Variants in TRIM6 observed in about 807,000 individuals in gnomAD.
TRIM6 encodes the protein tripartite motif-containing protein 6.
TRIM6 carries 43 observed loss-of-function variants against 51.2 expected under a neutral mutation model. That is an observed-to-expected ratio of 0.84 (90% CI 0.66 to 1.08). TRIM6 has a LOEUF of 1.08. TRIM6 is among the 50% of genes least tolerant of loss of function. The pLI is 0.00. For missense variants in TRIM6, 669 were observed against 619.0 expected (o/e 1.08, Z -0.86); for synonymous variants, 215 against 232.4 (o/e 0.93, Z 0.68).
At chr11:5,602,256 C>T (rs1467333313) in intron 1 of TRIM6, among the ~76,000 whole-genome samples, 11 of 150,022 alleles carry the variant, frequency 7.3e-5, no homozygotes, top group South Asian at 2.1e-4. Context: ...CTGGCTAACA[C>T]AGTGAAACCT....
At chr11:5,596,133 G>C (rs1847431968), upstream of TRIM6, 1 of 152,072 alleles carries the variant, frequency 6.6e-6, no homozygotes, top group Non-Finnish European at 1.5e-5. Flanking sequence ...CTGGGTGGAG[G>C]ACGCGGCTGC....
In TRIM6 at chr11:5,599,434, C is replaced by T. The variant is rs1036522172; in HGVS notation, c.17+2520C>T. Among the ~76,000 whole-genome samples, 3 of 136,078 alleles carry T rather than the reference C, an allele frequency of 2.2e-5. No individual in the cohort carries two copies. In the Admixed American group the frequency reaches 2.4e-4, roughly 11 times the overall value. 89.3% of individuals were successfully genotyped at this position (136,078 alleles called of 152,430 possible). On this transcript the variant is annotated intron_variant, in intron 1 of 7. Transcript: ENST00000380097. ...ATTTATTTATTTTGAGACGGAGTCT[C>T]GCTCTGTCGCCCAGGCTGGAGTGCA... is the stretch of plus-strand genomic sequence containing the variant.
intron 4 of TRIM6, among the ~76,000 whole-genome samples, chr11:5,606,014 T>C (rs993445771): frequency 1.3e-5 from 2 of 152,162 alleles, no homozygotes; most frequent in Admixed American, 1.3e-4. Context: ...CTTCAGACAT[T>C]GCCACGATAG....
intron 4 of TRIM6, among the ~76,000 whole-genome samples, chr11:5,605,918 G>A (rs1213068769): frequency 6.6e-6 from 1 of 152,158 alleles, no homozygotes; most frequent in African/African-American, 2.4e-5. Flanking sequence ...GGGTTCTCCT[G>A]TACATTGTAG....
intron 1 of TRIM6, among the ~76,000 whole-genome samples, chr11:5,599,383 A>ATATG (rs1554909282): frequency 6.8e-6 from 1 of 146,866 alleles, no homozygotes; most frequent in Non-Finnish European, 1.5e-5. Context: ...TACAATTATT[A>ATATG]TATTTATTTA....
rs1444211544 is a variant in TRIM6, at chr11:5,612,073, TACC to T, written c.*734_*736del. ...AGTACATTGATTTACTTCAATTTGT[TACC>T]ACAACTTGCTGAAATACACCATTAT... On this transcript the variant is annotated 3_prime_UTR_variant, in exon 8 of 8. Coordinates refer to ENST00000380097, the MANE Select transcript of TRIM6 (RefSeq NM_001003818.3). The T allele has an allele frequency of 6.6e-6, 1 of 152,238 alleles. No homozygotes were observed. Among genetic ancestry groups the T allele is most frequent in the East Asian group, 1.9e-4 (1 of 5,194 alleles). The allele number at this position is 152,238 out of a possible 1,614,324, so 9.4% of individuals were successfully genotyped here.
chr11:5,608,323 A>C, intron 4 of TRIM6, 49 bp from the exon 5 acceptor site: 2 of 1,609,252 alleles, frequency 1.2e-6, no homozygotes, highest in Non-Finnish European at 1.7e-6. Context: ...AATGTGGATA[A>C]GGGCATGACC....
chr11:5,610,042 A>T, intron 5 of TRIM6, 103 bp from the exon 6 acceptor site: 1 of 1,197,964 alleles, frequency 8.3e-7, no homozygotes, highest in Non-Finnish European at 1.2e-6. Flanking sequence ...GTATTCAGAA[A>T]GGAGGATTGG....
chr11:5,597,215 C>A (rs79773207), intron 1 of TRIM6, among the ~76,000 whole-genome samples: 1 of 152,114 alleles, frequency 6.6e-6, no homozygotes, highest in Non-Finnish European at 1.5e-5. Flanking sequence ...GCTTTAGTTT[C>A]TTCCATCTAT....
intron 1 of TRIM6, among the ~76,000 whole-genome samples, chr11:5,599,346 G>A (rs1847677808): frequency 6.6e-6 from 1 of 151,460 alleles, no homozygotes; most frequent in Non-Finnish European, 1.5e-5. Flanking sequence ...AATTGGAATT[G>A]GACTTTCAAT....
intron 5 of TRIM6, among the ~76,000 whole-genome samples, chr11:5,609,130 CAT>C (rs1195930189): frequency 1.3e-5 from 2 of 152,106 alleles, no homozygotes; most frequent in Admixed American, 6.6e-5. Flanking sequence ...GGGAATCAAA[CAT>C]GTTCTCTATC....
At chr11:5,607,644 G>C (rs1848304579) in intron 4 of TRIM6, among the ~76,000 whole-genome samples, 1 of 152,124 alleles carries the variant, frequency 6.6e-6, no homozygotes, top group South Asian at 2.1e-4. Flanking sequence ...GATGTGAAGT[G>C]GACTGACTTG....
In TRIM6 at chr11:5,604,592, T is replaced by G. The variant is rs1439376450; in HGVS notation, c.566T>G (p.Leu189Arg). The G allele has an allele frequency of 6.2e-7, 1 of 1,613,114 alleles. No individual in the cohort carries two copies. Among genetic ancestry groups the G allele is most frequent in the South Asian group, 1.1e-5 (1 of 90,748 alleles). ...LKNEEQEAEK[L>R]TAFIREKKTS... ...AACGAGGAGCAGGAAGCTGAGAAGC[T>G]AACAGCTTTTATCAGAGAGAAGAAA... Residue 189 changes from leucine to arginine, a missense_variant, in exon 3 of 8, where the codon CTA becomes CGA. Leu to Arg is a moderately radical substitution (Grantham distance 102). Transcript: ENST00000380097.
chr11:5,609,109 T>C (rs1848408622), intron 5 of TRIM6, among the ~76,000 whole-genome samples: 2 of 152,092 alleles, frequency 1.3e-5, no homozygotes, highest in African/African-American at 4.8e-5. Context: ...TGGAGGATAA[T>C]AATTTAGCCC....
intron 3 of TRIM6, 49 bp from the exon 4 acceptor site, chr11:5,605,288 C>A (rs766815421): frequency 1.2e-6 from 2 of 1,611,266 alleles, no homozygotes; most frequent in Non-Finnish European, 1.7e-6. Context: ...ATAGAGGAGA[C>A]CCTCAGTGTG....
At chr11:5,604,448 C>A in intron 2 of TRIM6, 86 bp from the exon 3 acceptor site, 2 of 1,410,338 alleles carry the variant, frequency 1.4e-6, no homozygotes, top group Non-Finnish European at 9.5e-7. Flanking sequence ...TTGAGGTTAG[C>A]AGAATCTCTG....
intron 1 of TRIM6, among the ~76,000 whole-genome samples, chr11:5,600,873 A>C (rs2133821007): frequency 6.6e-6 from 1 of 152,216 alleles, no homozygotes; most frequent in Non-Finnish European, 1.5e-5. Flanking sequence ...GCCCAAACAC[A>C]ACTCCAGGTA....
chr11:5,599,034 A>G (rs1203053118), intron 1 of TRIM6, among the ~76,000 whole-genome samples: 1 of 152,148 alleles, frequency 6.6e-6, no homozygotes, highest in Non-Finnish European at 1.5e-5. Context: ...TCTCTTTTCT[A>G]GGATTTCACA....
At position 5,605,342 on chromosome 11, in the gene TRIM6, G is replaced by T; in HGVS notation, c.609G>T (p.Gln203His). 2 of 1,614,096 alleles carry T rather than the reference G, an allele frequency of 1.2e-6. No homozygotes were observed. The highest frequency in any genetic ancestry group is 1.7e-6 in the Non-Finnish European group (2 of 1,180,030). Reference protein sequence around the residue: ...IREKKTSWKNQMEPERCRIQT... With the variant: ...IREKKTSWKNHMEPERCRIQT... ...TTTCTTCCCTGTTCCTGAAGAATCA[G>T]ATGGAGCCTGAGAGATGCAGGATCC... Residue 203 changes from glutamine to histidine, a missense_variant, in exon 4 of 8, where the codon CAG becomes CAT. Gln to His is a conservative substitution (Grantham distance 24). Coordinates refer to ENST00000380097, the MANE Select transcript of TRIM6 (RefSeq NM_001003818.3).
Sources: allele counts gnomAD v4.1 joint callset (sites outside exome capture counted in the v4.1 genomes callset), GRCh38; gene constraint gnomAD v4.1.1; transcripts MANE v1.5; gene names NCBI Gene and HGNC (gene_info 2026-07-23, HGNC 2026-07-21).